The following FOXP1 variants were observed in gnomAD, a reference collection of about 807,000 sequenced individuals.
The protein encoded by FOXP1 is forkhead box protein P1.
A neutral mutation model predicts 98.2 loss-of-function variants in FOXP1; 15 were observed. That is an observed-to-expected ratio of 0.15 (90% CI 0.10 to 0.24). The LOEUF (loss-of-function observed/expected upper bound fraction) is 0.24. FOXP1 is among the 10% of genes least tolerant of loss of function. The pLI is 1.00. For missense variants in FOXP1, 633 were observed against 848.5 expected, an observed-to-expected ratio of 0.75 and a Z score of 3.15; for synonymous variants, 371 against 314.5, an observed-to-expected ratio of 1.18 and a Z score of -1.90.
chr3:70,987,221 G>A (rs58587279), intron 14 of FOXP1, among the ~76,000 whole-genome samples: 3,567 of 151,940 alleles, frequency 0.023, 142 homozygotes, highest in African/African-American at 0.079. Flanking sequence ...TTTTAGAAAC[G>A]TAAGAGGAAT....
intron 7 of FOXP1, among the ~76,000 whole-genome samples, chr3:71,099,467 A>C (rs1215369069): frequency 6.6e-6 from 1 of 152,178 alleles, no homozygotes; most frequent in Non-Finnish European, 1.5e-5. Flanking sequence ...AGCTGAGATC[A>C]TGCCAGTGCA....
chr3:71,379,980 G>A (rs1488476980), intron 3 of FOXP1, among the ~76,000 whole-genome samples: 2 of 152,200 alleles, frequency 1.3e-5, no homozygotes, highest in East Asian at 1.9e-4. Flanking sequence ...TCTAACAAGT[G>A]AGGGGATTGC....
Position 71,276,981 on chromosome 3 carries a change from C to T in FOXP1, c.-12+22839G>A, listed in dbSNP as rs967374028. Among the ~76,000 whole-genome samples, 191 of 137,162 alleles carry T rather than the reference C, an allele frequency of 1.4e-3. 2 individuals carry two copies. Among genetic ancestry groups the T allele is most frequent in the African/African-American group, 4.9e-3 (178 of 36,458 alleles). 90.0% of individuals were successfully genotyped at this position (137,162 alleles called of 152,430 possible). On this transcript the variant is annotated intron_variant, in intron 5 of 20. Coordinates refer to ENST00000649528, the MANE Select transcript of FOXP1 (RefSeq NM_001349338.3). ...TTTTTTTTTTTTTTTTTTTTAGAGA[C>T]GGAGTCTCACTCTGTCGCCCAGGCT...
rs370934139 is a variant in FOXP1, at chr3:71,184,385, G to A, written c.180+13817C>T. ...TGTCTGTGCACTTACTGTAATCTGT[G>A]CTCATTTAGTCAAAGATCTTTCAAC... On this transcript the variant is annotated intron_variant, in intron 6 of 20. Transcript: ENST00000649528. Among the ~76,000 whole-genome samples the A allele has an allele frequency of 3.3e-5, 5 of 152,132 alleles. 1 individual carries two copies. Among genetic ancestry groups the A allele is most frequent in the East Asian group, 1.9e-4 (1 of 5,196 alleles).
intron 3 of FOXP1, among the ~76,000 whole-genome samples, chr3:71,445,040 A>G (rs1053263980): frequency 3.3e-5 from 5 of 152,202 alleles, no homozygotes; most frequent in Admixed American, 3.3e-4. Flanking sequence ...TTTCAATAAC[A>G]GCAATAGCAA....
intron 5 of FOXP1, among the ~76,000 whole-genome samples, chr3:71,229,652 C>T (rs927400062): frequency 1.3e-5 from 2 of 152,118 alleles, no homozygotes; most frequent in Admixed American, 6.6e-5. Context: ...TCCACACTAT[C>T]CTTGTAGAAT....
chr3:71,371,515 G>A (rs1424650601), intron 3 of FOXP1, among the ~76,000 whole-genome samples: 2 of 152,252 alleles, frequency 1.3e-5, no homozygotes, highest in East Asian at 3.8e-4. Context: ...GCTGGGTGCA[G>A]TGACTCATGC....
In FOXP1 at chr3:70,957,993, T is replaced by G; in HGVS notation, c.*1254A>C. The G allele has an allele frequency of 4.1e-6, 1 of 245,708 alleles. No individual in the cohort carries two copies. The highest frequency in any genetic ancestry group is 5.3e-5 in the Admixed American group (1 of 18,818). The allele number at this position is 245,708 out of a possible 1,614,324, so 15.2% of individuals were successfully genotyped here. A position where few individuals can be genotyped will look rare whatever the true frequency, so the allele number is the denominator to read the frequency against. On this transcript the variant is annotated 3_prime_UTR_variant, in exon 21 of 21. Coordinates refer to ENST00000649528, the MANE Select transcript of FOXP1 (RefSeq NM_001349338.3). Reference sequence around the variant, plus strand: ...GGCAGCTGCTCGGGGAAGCCGGTTTTTTTTTTTGGCCATTTTGCAAACAAA... The same window carrying G: ...GGCAGCTGCTCGGGGAAGCCGGTTTGTTTTTTTGGCCATTTTGCAAACAAA...
At chr3:71,255,792 A>G (rs984806842) in intron 5 of FOXP1, among the ~76,000 whole-genome samples, 1 of 152,196 alleles carries the variant, frequency 6.6e-6, no homozygotes, top group Non-Finnish European at 1.5e-5. Context: ...CTGAAACGAA[A>G]CTCAAGTAAG....
At chr3:71,236,187 C>T (rs1225080754) in intron 5 of FOXP1, among the ~76,000 whole-genome samples, 1 of 152,148 alleles carries the variant, frequency 6.6e-6, no homozygotes, top group African/African-American at 2.4e-5. Flanking sequence ...AGAATAGAAA[C>T]ATTTTGCAAA....
At chr3:71,373,137 C>T (rs1645430551) in intron 3 of FOXP1, among the ~76,000 whole-genome samples, 1 of 152,190 alleles carries the variant, frequency 6.6e-6, no homozygotes, top group African/African-American at 2.4e-5. Flanking sequence ...AATTTTGTCA[C>T]AGGTGTTTGA....
intron 3 of FOXP1, among the ~76,000 whole-genome samples, chr3:71,407,656 C>CTGTGCG (rs2082441947): frequency 6.6e-6 from 1 of 151,632 alleles, no homozygotes; most frequent in Admixed American, 6.6e-5. Flanking sequence ...TACAGAAGAA[C>CTGTGCG]TGTGCGTGTG....
intron 3 of FOXP1, among the ~76,000 whole-genome samples, chr3:71,482,604 T>A (rs961666253): frequency 1.3e-5 from 2 of 152,146 alleles, no homozygotes; most frequent in African/African-American, 4.8e-5. Context: ...TTCACCATGT[T>A]GACCAGGCTG....
chr3:71,569,725 T>C (rs1034687023), intron 2 of FOXP1, among the ~76,000 whole-genome samples: 1 of 151,986 alleles, frequency 6.6e-6, no homozygotes, highest in Non-Finnish European at 1.5e-5. Context: ...GTAAATACAG[T>C]TATGGATATC....
chr3:70,983,176 C>T (rs1272290234), intron 14 of FOXP1, among the ~76,000 whole-genome samples: 1 of 152,048 alleles, frequency 6.6e-6, no homozygotes, highest in Non-Finnish European at 1.5e-5. Context: ...CTCAGCCTGG[C>T]CCTGTTTTAG....
rs370809083 is a variant in FOXP1 at position 71,346,360 on chromosome 3, C to T, written c.-73+12790G>A. Among the ~76,000 whole-genome samples the T allele has an allele frequency of 9.4e-4, 143 of 152,240 alleles. 2 individuals are homozygous for T. In the South Asian group the frequency reaches 0.012, roughly 12 times the overall value. ...CAAAGTTTTGATTTAGCCAAGCAAA[C>T]GTGGCTGTTTTTGTTGGGTGGAAGA... On this transcript the variant is annotated intron_variant, in intron 4 of 20. Transcript: ENST00000649528.
intron 13 of FOXP1, among the ~76,000 whole-genome samples, chr3:70,994,217 A>C (rs1209823173): frequency 1.3e-5 from 2 of 150,906 alleles, no homozygotes; most frequent in African/African-American, 2.4e-5. Flanking sequence ...TACAAGCAGA[A>C]GATGGGGCAT....
At chr3:71,287,597 T>A (rs2072290254) in intron 5 of FOXP1, among the ~76,000 whole-genome samples, 1 of 151,976 alleles carries the variant, frequency 6.6e-6, no homozygotes. Flanking sequence ...CTGACAAACA[T>A]GGCGAAACCC....
At chr3:71,016,638 A>G (rs1029228470) in intron 11 of FOXP1, among the ~76,000 whole-genome samples, 1 of 147,204 alleles carries the variant, frequency 6.8e-6, no homozygotes, top group African/African-American at 2.5e-5. Context: ...TTCAAGCACA[A>G]TGAATGATGA....
Sources: allele counts gnomAD v4.1 joint callset (sites outside exome capture counted in the v4.1 genomes callset), GRCh38; gene constraint gnomAD v4.1.1; transcripts MANE v1.5; gene names NCBI Gene and HGNC (gene_info 2026-07-23, HGNC 2026-07-21).